Variants in ENPEP observed in about 807,000 individuals in gnomAD.
ENPEP encodes AP-A.
A neutral mutation model predicts 114.5 loss-of-function variants in ENPEP; 103 were observed. The ratio of observed to expected loss-of-function variants is 0.90; its 90% CI spans 0.77 to 1.06. The LOEUF (loss-of-function observed/expected upper bound fraction) is 1.06. ENPEP is among the 50% of genes least tolerant of loss of function. ENPEP has a pLI of 0.00. For synonymous variants in ENPEP, 420 were observed against 422.0 expected, an observed-to-expected ratio of 1.00 and a Z score of 0.06; for missense variants, 1,196 against 1,161.3, an observed-to-expected ratio of 1.03 and a Z score of -0.43.
At chr4:110,489,584 A>T (rs1358454477) in intron 2 of ENPEP, among the ~76,000 whole-genome samples, 17 of 152,156 alleles carry the variant, frequency 1.1e-4, no homozygotes, top group African/African-American at 3.4e-4. Flanking sequence ...AAATAAAATT[A>T]AAAAAAGAAA....
In ENPEP at chr4:110,559,749, T is replaced by A. The variant is rs755416854; in HGVS notation, c.2721+24T>A. 15 of 1,586,628 alleles carry A rather than the reference T, an allele frequency of 9.5e-6. No individual in the cohort carries two copies. The East Asian group carries it at 3.4e-4, about 35-fold the overall frequency. On this transcript the variant is annotated intron_variant, in intron 19 of 19. Transcript: ENST00000265162. ...AGGTATGAAGATAAATTCCTCTGCATTTGTCCAAGAAGGAGCAGAATGAAA... is the reference window on the plus strand; with the variant it reads ...AGGTATGAAGATAAATTCCTCTGCAATTGTCCAAGAAGGAGCAGAATGAAA...
chr4:110,503,315 C>G (rs1725235365), intron 3 of ENPEP, among the ~76,000 whole-genome samples: 1 of 152,082 alleles, frequency 6.6e-6, no homozygotes, highest in South Asian at 2.1e-4. Flanking sequence ...TTCAGCTTGG[C>G]CTATTCTGCT....
chr4:110,486,962 A>T (rs1724528828), intron 1 of ENPEP, among the ~76,000 whole-genome samples: 1 of 152,158 alleles, frequency 6.6e-6, no homozygotes, highest in Admixed American at 6.5e-5. Flanking sequence ...TGATTGGTCA[A>T]GTTGGAGATG....
Position 110,552,239 on chromosome 4 carries a change from AC to A in ENPEP, c.2502-1075del, listed in dbSNP as rs35868907. ...CTCTCCCATGCCATTTTGGCATAGC[AC>A]AAAAGTACATGCTGAACTATAGACC... On this transcript the variant is annotated intron_variant, in intron 17 of 19. Transcript: ENST00000265162. 5.8e-3 allele frequency among the ~76,000 whole-genome samples: 882 copies of A among 152,274 alleles called. 7 individuals carry two copies. The highest frequency in any genetic ancestry group is 0.02 in the African/African-American group (838 of 41,560).
intron 10 of ENPEP, among the ~76,000 whole-genome samples, chr4:110,522,860 GA>G (rs1726054460): frequency 6.6e-6 from 1 of 152,040 alleles, no homozygotes; most frequent in Non-Finnish European, 1.5e-5. Flanking sequence ...ACACTTTTTT[GA>G]AAGTTACTTA....
intron 1 of ENPEP, among the ~76,000 whole-genome samples, chr4:110,484,382 A>C (rs1724423441): frequency 6.6e-6 from 1 of 152,156 alleles, no homozygotes; most frequent in Admixed American, 6.5e-5. Context: ...GCTCTTAGAA[A>C]AGGGTTTTCC....
intron 11 of ENPEP, among the ~76,000 whole-genome samples, chr4:110,538,582 A>G (rs190745238): frequency 1.3e-5 from 2 of 152,276 alleles, no homozygotes; most frequent in African/African-American, 4.8e-5. Flanking sequence ...CTTTCTTATC[A>G]TTCATGTGTT....
rs570301965 is a variant in ENPEP at position 110,533,927 on chromosome 4, C to G, written c.1807+2650C>G. Reference sequence around the variant, plus strand: ...AATGAAGAGGCTGATAGTTACAGAGCTTTGATGACAAATCTGCCTTTATCT... The same window carrying G: ...AATGAAGAGGCTGATAGTTACAGAGGTTTGATGACAAATCTGCCTTTATCT... On this transcript the variant is annotated intron_variant, in intron 11 of 19. Coordinates refer to ENST00000265162, the MANE Select transcript of ENPEP (RefSeq NM_001977.4). Among the ~76,000 whole-genome samples, 88 of 152,262 alleles carry G rather than the reference C, an allele frequency of 5.8e-4. No homozygotes were observed. The South Asian group carries it at 0.011, about 18-fold the overall frequency.
intron 1 of ENPEP, among the ~76,000 whole-genome samples, chr4:110,487,444 G>C (rs1323182297): frequency 6.6e-6 from 1 of 152,150 alleles, no homozygotes; most frequent in Non-Finnish European, 1.5e-5. Context: ...AATTTCCTCT[G>C]TTATAATTTT....
At chr4:110,483,042 G>A (rs1225011990) in intron 1 of ENPEP, among the ~76,000 whole-genome samples, 1 of 152,056 alleles carries the variant, frequency 6.6e-6, no homozygotes, top group Non-Finnish European at 1.5e-5. Context: ...TTTCTTTTTG[G>A]TCTTGTTTAC....
chr4:110,496,997 G>T (rs959388056), intron 3 of ENPEP, among the ~76,000 whole-genome samples: 3 of 152,222 alleles, frequency 2.0e-5, no homozygotes, highest in African/African-American at 7.2e-5. Flanking sequence ...ACTTCCTGGA[G>T]GGAGGAGTCA....
chr4:110,488,549 T>C lies in ENPEP; in HGVS notation c.653T>C (p.Val218Ala), dbSNP rs1126483. The C allele has an allele frequency of 0.55, 883,162 of 1,609,416 alleles. 244,264 individuals are homozygous for C. The highest frequency in any genetic ancestry group is 0.67 in the East Asian group (30,134 of 44,722). Residue 218 changes from valine (V) to alanine (A), a missense_variant, in exon 2 of 20, where the codon GTG (valine) becomes GCG (alanine). Physicochemically the swap from Val to Ala is moderately conservative, Grantham distance 64 (BLOSUM62 0). Coordinates refer to ENST00000265162, the MANE Select transcript of ENPEP (RefSeq NM_001977.4). The stretch of plus-strand genomic sequence containing the variant: ...GTTTGTTTGTTTCTAAGGAGCATAG[T>C]GGCCACCGATCATGAACCAACAGAT... ...YTENGQVKSI[V>A]ATDHEPTDAR...
At chr4:110,522,768 A>G (rs1458724372) in intron 10 of ENPEP, among the ~76,000 whole-genome samples, 1 of 152,212 alleles carries the variant, frequency 6.6e-6, no homozygotes, top group African/African-American at 2.4e-5. Flanking sequence ...CTCTAGTTCT[A>G]TACCCAGTAA....
chr4:110,538,471 C>T (rs543141380), intron 11 of ENPEP, among the ~76,000 whole-genome samples: 1 of 152,258 alleles, frequency 6.6e-6, no homozygotes, highest in South Asian at 2.1e-4. Flanking sequence ...AGTTAGGGTC[C>T]TTCTCTGGAT....
chr4:110,505,050 A>G (rs1578398860), intron 3 of ENPEP, among the ~76,000 whole-genome samples: 1 of 152,240 alleles, frequency 6.6e-6, no homozygotes, highest in Admixed American at 6.5e-5. Context: ...GAGAGTTTTG[A>G]CACACCAATT....
chr4:110,483,606 C>T (rs547309274), intron 1 of ENPEP, among the ~76,000 whole-genome samples: 61 of 152,240 alleles, frequency 4.0e-4, no homozygotes, highest in Admixed American at 7.2e-4. Flanking sequence ...TTGGAAACGA[C>T]TAAATTGCAT....
intron 3 of ENPEP, among the ~76,000 whole-genome samples, chr4:110,495,266 G>T (rs1007854916): frequency 6.6e-6 from 1 of 152,132 alleles, no homozygotes; most frequent in East Asian, 1.9e-4. Context: ...TTTGGAAAAC[G>T]CAAAGTAGGA....
chr4:110,531,239 T>C lies in ENPEP; in HGVS notation c.1769T>C (p.Ile590Thr). 1 of 1,467,632 alleles carries C rather than the reference T, an allele frequency of 6.8e-7. No individual in the cohort carries two copies. The highest frequency in any genetic ancestry group is 9.2e-7 in the Non-Finnish European group (1 of 1,092,768). 90.9% of individuals were successfully genotyped at this position (1,467,632 alleles called of 1,614,324 possible). Reference sequence around the variant, plus strand: ...CCAGTTAAATGGACTGAAGATAATATAACAAGCAGTGTGTTATTTAATAGG... The same window carrying C: ...CCAGTTAAATGGACTGAAGATAATACAACAAGCAGTGTGTTATTTAATAGG... Reference protein sequence around the residue: ...NIPVKWTEDNITSSVLFNRSE... With the variant: ...NIPVKWTEDNTTSSVLFNRSE... The change falls in exon 11 of 20, where the codon ATA becomes ACA. Residue 590 changes from isoleucine to threonine, a missense_variant. By Grantham distance (89) the Ile-to-Thr change is moderately conservative. Transcript: ENST00000265162.
intron 10 of ENPEP, among the ~76,000 whole-genome samples, chr4:110,527,521 A>G (rs1726242522): frequency 6.6e-6 from 1 of 152,152 alleles, no homozygotes; most frequent in Non-Finnish European, 1.5e-5. Context: ...AGATTAGATG[A>G]TGATGGAGAA....
Sources: gnomAD v4.1 joint callset for allele counts (sites outside exome capture counted in the v4.1 genomes callset) on GRCh38, gnomAD v4.1.1 for gene constraint, MANE v1.5 for transcripts, NCBI Gene and HGNC (gene_info 2026-07-23, HGNC 2026-07-21) for gene names.